The following LIMCH1 variants were observed in gnomAD, a reference collection of about 807,000 sequenced individuals.
The protein encoded by LIMCH1 is LIM and calponin homology domains 1.
In LIMCH1, 113 loss-of-function variants were observed where a neutral mutation model predicts 176.5. The ratio of observed to expected loss-of-function variants is 0.64; its 90% CI spans 0.55 to 0.75. The LOEUF (loss-of-function observed/expected upper bound fraction) is 0.75. Among genes scored for constraint, LIMCH1 ranks in the 30% least tolerant of loss-of-function variants. The pLI is 0.00. For synonymous variants in LIMCH1, 619 were observed against 645.9 expected (o/e 0.96, Z 0.63); for missense variants, 1,674 against 1,814.9 (o/e 0.92, Z 1.41).
chr4:41,655,672 T>C (rs965884672), intron 18 of LIMCH1, among the ~76,000 whole-genome samples: 4 of 151,822 alleles, frequency 2.6e-5, no homozygotes, highest in African/African-American at 7.3e-5. Context: ...TTCCTGCAGC[T>C]CTTTTTTTTT....
rs1201596613 is a variant in LIMCH1 at position 41,692,260 on chromosome 4, G to A, written c.4276-22G>A. 3.6e-6 allele frequency: 5 copies of A among 1,386,206 alleles called. No homozygotes were observed. In the East Asian group the frequency reaches 9.1e-5, roughly 25 times the overall value. The allele number at this position is 1,386,206 out of a possible 1,614,324, so 85.9% of individuals were successfully genotyped here. A position where few individuals can be genotyped will look rare whatever the true frequency, so the allele number is the denominator to read the frequency against. On this transcript the variant is annotated intron_variant, in intron 30 of 31. Coordinates refer to ENST00000503057, the MANE Select transcript of LIMCH1 (RefSeq NM_001330672.2). Reference sequence around the variant, plus strand: ...AACAATTCCTTATGCATCTTATGATGTCTGTTCTTTTTACCCTATAGTGTG... The same window carrying A: ...AACAATTCCTTATGCATCTTATGATATCTGTTCTTTTTACCCTATAGTGTG...
intron 1 of LIMCH1, among the ~76,000 whole-genome samples, chr4:41,433,562 G>A (rs554515784): frequency 3.9e-5 from 6 of 152,234 alleles, no homozygotes; most frequent in Non-Finnish European, 7.4e-5. Flanking sequence ...GCTTCTCCAC[G>A]TGGCCTTTCT....
intron 2 of LIMCH1, among the ~76,000 whole-genome samples, chr4:41,512,259 G>A (rs2075019512): frequency 6.6e-6 from 1 of 152,208 alleles, no homozygotes; most frequent in Non-Finnish European, 1.5e-5. Flanking sequence ...AGTAAGAAGT[G>A]TGGCATGATG....
At chr4:41,455,395 TG>T (rs1172197752) in intron 1 of LIMCH1, among the ~76,000 whole-genome samples, 2 of 151,674 alleles carry the variant, frequency 1.3e-5, no homozygotes, top group Admixed American at 1.3e-4. Context: ...TTGTATGGAG[TG>T]GGGAGAAACA....
chr4:41,477,033 A>G (rs781235792), intron 1 of LIMCH1, among the ~76,000 whole-genome samples: 9 of 152,198 alleles, frequency 5.9e-5, no homozygotes, highest in Non-Finnish European at 1.2e-4. Flanking sequence ...TTTGCAACTC[A>G]ACTGATAATA....
Position 41,629,551 on chromosome 4 carries a change from A to G in LIMCH1, c.1088A>G (p.Glu363Gly). ...GTGACCTGTAACATGAGGGCTCAGG[A>G]AAGTGAACCTGTGGAAGGAGGACTC... The part of the protein sequence containing the change: ...LIVTCNMRAQ[E>G]SEPVEGGLRK... The change falls in exon 9 of 32, where the codon GAA becomes GGA. Residue 363 changes from glutamate (E) to glycine (G), a missense_variant. By Grantham distance (98) the Glu-to-Gly change is moderately conservative. Transcript: ENST00000503057. The G allele has an allele frequency of 6.5e-7, 1 of 1,536,124 alleles. No homozygotes were observed. Among genetic ancestry groups the G allele is most frequent in the Non-Finnish European group, 8.7e-7 (1 of 1,146,914 alleles).
chr4:41,465,908 T>C (rs2066035966), intron 1 of LIMCH1, among the ~76,000 whole-genome samples: 1 of 152,072 alleles, frequency 6.6e-6, no homozygotes, highest in South Asian at 2.1e-4. Context: ...AGTTGAATAG[T>C]TGTGACAGTG....
At chr4:41,465,031 G>A (rs750820367) in intron 1 of LIMCH1, among the ~76,000 whole-genome samples, 1 of 152,108 alleles carries the variant, frequency 6.6e-6, no homozygotes, top group African/African-American at 2.4e-5. Context: ...TTTTTTGGGT[G>A]CACATTCTGT....
At chr4:41,391,438 G>T (rs1056119563) in intron 1 of LIMCH1, among the ~76,000 whole-genome samples, 1 of 152,170 alleles carries the variant, frequency 6.6e-6, no homozygotes, top group Admixed American at 6.5e-5. Flanking sequence ...CAAACATTGT[G>T]TGTAGTTAAA....
chr4:41,495,751 G>T (rs549527446), intron 2 of LIMCH1, among the ~76,000 whole-genome samples: 38 of 152,166 alleles, frequency 2.5e-4, no homozygotes, highest in Non-Finnish European at 5.0e-4. Flanking sequence ...AGTGAGTGAG[G>T]CACTTTCAAA....
chr4:41,606,501 C>T (rs1279413302), intron 4 of LIMCH1, among the ~76,000 whole-genome samples: 1 of 152,192 alleles, frequency 6.6e-6, no homozygotes, highest in East Asian at 1.9e-4. Flanking sequence ...TCTCCTCTAA[C>T]ATGTGCATGT....
intron 1 of LIMCH1, among the ~76,000 whole-genome samples, chr4:41,411,125 A>C (rs1386212637): frequency 2.6e-5 from 4 of 152,212 alleles, no homozygotes; most frequent in African/African-American, 9.7e-5. Context: ...TTTCACCTAG[A>C]ATGTCTCATT....
chr4:41,416,692 T>G (rs148910247), intron 1 of LIMCH1, among the ~76,000 whole-genome samples: 4 of 151,032 alleles, frequency 2.6e-5, no homozygotes, highest in Non-Finnish European at 5.9e-5. Flanking sequence ...ATTTTATCAC[T>G]AGGTTATTTG....
chr4:41,449,107 G>A (rs545128843), intron 1 of LIMCH1, among the ~76,000 whole-genome samples: 3 of 151,862 alleles, frequency 2.0e-5, no homozygotes, highest in Non-Finnish European at 2.9e-5. Flanking sequence ...TTCAGTTAGC[G>A]TATACAGGCC....
intron 7 of LIMCH1, among the ~76,000 whole-genome samples, chr4:41,622,603 CA>C (rs1157320857): frequency 1.3e-5 from 2 of 152,132 alleles, no homozygotes; most frequent in African/African-American, 4.8e-5. Context: ...CTGGGAAGTC[CA>C]TACACGTACT....
At chr4:41,648,655 A>AGG (rs1472328126) in intron 17 of LIMCH1, among the ~76,000 whole-genome samples, 37 of 83,338 alleles carry the variant, frequency 4.4e-4, no homozygotes, top group South Asian at 8.1e-4. Context: ...GCTAAGGGGT[A>AGG]GGGGTGTGTG....
chr4:41,390,894 C>T (rs2057156730), intron 1 of LIMCH1, among the ~76,000 whole-genome samples: 1 of 152,164 alleles, frequency 6.6e-6, no homozygotes, highest in Admixed American at 6.5e-5. Context: ...GAAATATAAT[C>T]AGATGGCCAC....
At chr4:41,477,500 G>T (rs2067926431) in intron 1 of LIMCH1, among the ~76,000 whole-genome samples, 1 of 152,170 alleles carries the variant, frequency 6.6e-6, no homozygotes, top group African/African-American at 2.4e-5. Context: ...AATAAAAGAT[G>T]CTGTTATTAT....
intron 1 of LIMCH1, among the ~76,000 whole-genome samples, chr4:41,424,446 G>C (rs1277984732): frequency 6.6e-6 from 1 of 152,082 alleles, no homozygotes; most frequent in Non-Finnish European, 1.5e-5. Flanking sequence ...ACAAACCCGT[G>C]GACCCTTATC....
Sources: allele counts gnomAD v4.1 joint callset (sites outside exome capture counted in the v4.1 genomes callset), GRCh38; gene constraint gnomAD v4.1.1; transcripts MANE v1.5; gene names NCBI Gene and HGNC (gene_info 2026-07-23, HGNC 2026-07-21).